Variants in SRBD1 observed in about 807,000 individuals in gnomAD.
The protein encoded by SRBD1 is S1 RNA binding domain 1.
A neutral mutation model predicts 115.3 loss-of-function variants in SRBD1; 88 were observed. The ratio of observed to expected loss-of-function variants is 0.76; its 90% CI spans 0.64 to 0.91. SRBD1 has a LOEUF of 0.91. SRBD1 is among the 40% of genes least tolerant of loss of function. The pLI, the probability that SRBD1 is intolerant of heterozygous loss-of-function variation, is 0.00. For missense variants in SRBD1, 1,385 were observed against 1,177.4 expected (o/e 1.18, Z -2.58); for synonymous variants, 509 against 407.7 (o/e 1.25, Z -2.99).
intron 4 of SRBD1, among the ~76,000 whole-genome samples, chr2:45,594,796 G>T (rs72618611): frequency 0.026 from 3,890 of 152,230 alleles, 101 homozygotes; most frequent in East Asian, 0.12. Flanking sequence ...AAACAAAGTT[G>T]TTATCTGACT....
chr2:45,451,897 G>A (rs1171929875), intron 16 of SRBD1, among the ~76,000 whole-genome samples: 1 of 151,160 alleles, frequency 6.6e-6, no homozygotes, highest in Non-Finnish European at 1.5e-5. Context: ...TAAATGAGAG[G>A]TAAAAATAAA....
chr2:45,546,690 C>A (rs745500121), intron 14 of SRBD1, 42 bp downstream of exon 14: 3 of 1,589,820 alleles, frequency 1.9e-6, no homozygotes, highest in Admixed American at 1.7e-5. Context: ...CTTTAAAGTT[C>A]CCATGCTTCT....
intron 16 of SRBD1, among the ~76,000 whole-genome samples, chr2:45,450,225 C>T (rs1263799470): frequency 6.6e-6 from 1 of 152,078 alleles, no homozygotes; most frequent in Non-Finnish European, 1.5e-5. Context: ...TAAATTGGCA[C>T]ACTTGGAAGC....
chr2:45,508,748 G>T (rs971383133), intron 14 of SRBD1, among the ~76,000 whole-genome samples: 1 of 152,094 alleles, frequency 6.6e-6, no homozygotes, highest in Admixed American at 6.5e-5. Context: ...GAGGAAAATA[G>T]AATAGTGATA....
intron 14 of SRBD1, among the ~76,000 whole-genome samples, chr2:45,510,017 G>C (rs548601821): frequency 6.6e-6 from 1 of 152,308 alleles, no homozygotes; most frequent in Admixed American, 6.5e-5. Context: ...TTACAGATGT[G>C]AGCCACCATG....
chr2:45,416,575 CAAAT>C (rs751711286), intron 18 of SRBD1, among the ~76,000 whole-genome samples: 25 of 152,188 alleles, frequency 1.6e-4, no homozygotes, highest in South Asian at 1.4e-3. Context: ...AAGACTGAAA[CAAAT>C]AAAGCAAGTT....
chr2:45,471,267 T>C (rs1289834046), intron 16 of SRBD1, among the ~76,000 whole-genome samples: 2 of 152,188 alleles, frequency 1.3e-5, no homozygotes. Flanking sequence ...GTTTTTTTTC[T>C]TCAATGTAAA....
At chr2:45,469,533 G>A (rs1669586363) in intron 16 of SRBD1, among the ~76,000 whole-genome samples, 1 of 152,122 alleles carries the variant, frequency 6.6e-6, no homozygotes, top group Non-Finnish European at 1.5e-5. Flanking sequence ...ATAAGTAATG[G>A]TGTTACACTA....
chr2:45,434,260 T>C (rs1668422803), intron 16 of SRBD1, among the ~76,000 whole-genome samples: 2 of 152,318 alleles, frequency 1.3e-5, no homozygotes, highest in Middle Eastern at 3.4e-3. Flanking sequence ...AGGGCTTCAA[T>C]AGCCTTACTC....
chr2:45,419,022 T>C (rs1439705739), intron 17 of SRBD1, among the ~76,000 whole-genome samples: 1 of 152,238 alleles, frequency 6.6e-6, no homozygotes, highest in Non-Finnish European at 1.5e-5. Flanking sequence ...ATAATTGTCA[T>C]GGTTAGTATA....
intron 16 of SRBD1, among the ~76,000 whole-genome samples, chr2:45,432,072 C>T (rs1450057306): frequency 1.3e-5 from 2 of 151,560 alleles, no homozygotes; most frequent in African/African-American, 4.9e-5. Flanking sequence ...CCCTGTCGCC[C>T]AGGCTGGAGT....
chr2:45,485,068 C>A (rs1241278603), intron 15 of SRBD1, among the ~76,000 whole-genome samples: 1 of 152,124 alleles, frequency 6.6e-6, no homozygotes, highest in Non-Finnish European at 1.5e-5. Context: ...TGGTTGAGTA[C>A]CTGTTTTCAA....
intron 14 of SRBD1, among the ~76,000 whole-genome samples, chr2:45,491,826 T>G (rs1670301438): frequency 6.6e-6 from 1 of 152,150 alleles, no homozygotes; most frequent in Non-Finnish European, 1.5e-5. Flanking sequence ...TTTATTTAAT[T>G]AATTTATTTT....
chr2:45,470,468 T>C (rs1362086724), intron 16 of SRBD1, among the ~76,000 whole-genome samples: 1 of 152,172 alleles, frequency 6.6e-6, no homozygotes, highest in Non-Finnish European at 1.5e-5. Context: ...CACCAAATGA[T>C]CTAACAGAGA....
chr2:45,570,897 C>T (rs777407958), intron 9 of SRBD1, among the ~76,000 whole-genome samples: 28 of 152,092 alleles, frequency 1.8e-4, no homozygotes, highest in Admixed American at 2.6e-4. Flanking sequence ...TCCCAGGTGG[C>T]CTTTGTCAAA....
At chr2:45,542,779 A>C (rs559424709) in intron 14 of SRBD1, among the ~76,000 whole-genome samples, 204 of 152,352 alleles carry the variant, frequency 1.3e-3, no homozygotes, top group Non-Finnish European at 2.1e-3. Context: ...TGGTAGTAGC[A>C]AAAAACTAGC....
chr2:45,398,663 G>T (rs888748140), intron 19 of SRBD1, among the ~76,000 whole-genome samples: 3 of 152,098 alleles, frequency 2.0e-5, no homozygotes, highest in Middle Eastern at 6.8e-3. Flanking sequence ...ATTTTTTAAA[G>T]TGCCATTTAA....
At chr2:45,463,591 T>C (rs1669391261) in intron 16 of SRBD1, among the ~76,000 whole-genome samples, 1 of 152,154 alleles carries the variant, frequency 6.6e-6, no homozygotes, top group South Asian at 2.1e-4. Context: ...TATATTTGGG[T>C]TCTCAACATT....
At chr2:45,423,183 A>T (rs1668056529) in intron 16 of SRBD1, among the ~76,000 whole-genome samples, 1 of 152,214 alleles carries the variant, frequency 6.6e-6, no homozygotes, top group African/African-American at 2.4e-5. Flanking sequence ...ATAAAACTTC[A>T]AACTTAAAAA....
Sources: allele counts gnomAD v4.1 joint callset (sites outside exome capture counted in the v4.1 genomes callset), GRCh38; gene constraint gnomAD v4.1.1; transcripts MANE v1.5; gene names NCBI Gene and HGNC (gene_info 2026-07-23, HGNC 2026-07-21).